SEMA6D: variants seen among roughly 807,000 people sequenced by gnomAD.
The protein encoded by SEMA6D is semaphorin 6D.
A neutral mutation model predicts 106.6 loss-of-function variants in SEMA6D; 35 were observed. The ratio of observed to expected loss-of-function variants is 0.33; its 90% CI spans 0.25 to 0.44. The LOEUF (loss-of-function observed/expected upper bound fraction) is 0.44, where lower values mean the gene tolerates loss of function less well. SEMA6D is among the 20% of genes least tolerant of loss of function. The probability of loss-of-function intolerance (pLI) is 1.00; values close to 1 mark genes in which losing one functional copy is unlikely to be tolerated. For missense variants in SEMA6D, 1,185 were observed against 1,345.9 expected, an observed-to-expected ratio of 0.88 and a Z score of 1.87; for synonymous variants, 499 against 487.7, an observed-to-expected ratio of 1.02 and a Z score of -0.31.
chr15:47,665,258 A>T (rs2078003297), intron 4 of SEMA6D, among the ~76,000 whole-genome samples: 1 of 152,168 alleles, frequency 6.6e-6, no homozygotes, highest in Admixed American at 6.5e-5. Context: ...TTTTCTTTGC[A>T]GCTTTAGATC....
intron 1 of SEMA6D, among the ~76,000 whole-genome samples, chr15:47,720,215 C>T (rs1221893955): frequency 6.9e-6 from 1 of 145,914 alleles, no homozygotes; most frequent in Admixed American, 6.8e-5. Flanking sequence ...ACAGAATATT[C>T]CTACCTGGCC....
intron 4 of SEMA6D, among the ~76,000 whole-genome samples, chr15:47,621,741 A>T (rs373158063): frequency 6.6e-6 from 1 of 152,116 alleles, no homozygotes; most frequent in Non-Finnish European, 1.5e-5. Flanking sequence ...GGCTCTAAGG[A>T]CTTCACTTAA....
chr15:47,314,900 C>G (rs2036597046), intron 1 of SEMA6D, among the ~76,000 whole-genome samples: 1 of 129,102 alleles, frequency 7.7e-6, no homozygotes, highest in Non-Finnish European at 1.6e-5. Flanking sequence ...GAGTCTCGCT[C>G]TGTGGCCCAG....
At chr15:47,489,241 A>G (rs868201567) in intron 3 of SEMA6D, among the ~76,000 whole-genome samples, 8 of 152,150 alleles carry the variant, frequency 5.3e-5, no homozygotes, top group African/African-American at 1.9e-4. Context: ...GACAAGGACA[A>G]ATCCTCTCTG....
At chr15:47,711,811 A>T (rs2079029288) in intron 4 of SEMA6D, among the ~76,000 whole-genome samples, 1 of 152,226 alleles carries the variant, frequency 6.6e-6, no homozygotes, top group Admixed American at 6.5e-5. Context: ...CTTATTTGGA[A>T]AGATGGAAAT....
At chr15:47,493,461 A>G (rs1282698252) in intron 3 of SEMA6D, among the ~76,000 whole-genome samples, 1 of 152,170 alleles carries the variant, frequency 6.6e-6, no homozygotes, top group Non-Finnish European at 1.5e-5. Flanking sequence ...GGCACTTTAC[A>G]ATATATCTGA....
chr15:47,580,785 A>G (rs1596358441), intron 3 of SEMA6D, among the ~76,000 whole-genome samples: 1 of 152,336 alleles, frequency 6.6e-6, no homozygotes, highest in African/African-American at 2.4e-5. Context: ...CAGATCCCCT[A>G]TAATGCTCAC....
chr15:47,254,271 A>C (rs1449085900), intron 1 of SEMA6D, among the ~76,000 whole-genome samples: 2 of 149,084 alleles, frequency 1.3e-5, no homozygotes, highest in Non-Finnish European at 3.0e-5. Flanking sequence ...ATATATACAC[A>C]CACATATATG....
At chr15:47,766,894 A>G (rs1487932350) in intron 16 of SEMA6D, 143 bp from the exon 17 acceptor site, 27 of 603,252 alleles carry the variant, frequency 4.5e-5, no homozygotes, top group East Asian at 2.4e-4. Context: ...TAGGAAATCT[A>G]GAGAGAGGTA....
intron 1 of SEMA6D, among the ~76,000 whole-genome samples, chr15:47,227,482 T>C (rs2031796251): frequency 2.9e-5 from 4 of 139,592 alleles, no homozygotes; most frequent in Non-Finnish European, 4.5e-5. Context: ...TTCTCTTTCT[T>C]TTTCTTTCTT....
chr15:47,315,911 T>G (rs1176669510), intron 1 of SEMA6D, among the ~76,000 whole-genome samples: 3 of 152,090 alleles, frequency 2.0e-5, no homozygotes, highest in Non-Finnish European at 2.9e-5. Flanking sequence ...TATAGGAGAA[T>G]AATCGACTTT....
chr15:47,607,343 C>T (rs1008165885), intron 4 of SEMA6D, among the ~76,000 whole-genome samples: 2 of 152,160 alleles, frequency 1.3e-5, no homozygotes, highest in African/African-American at 4.8e-5. Context: ...AAATTTCCTA[C>T]TTTCTCAATT....
In SEMA6D at chr15:47,250,694, G is replaced by C. The variant is rs149221091; in HGVS notation, c.-239+66276G>C. ...GAAAGGAGTAAACAGTTTCTGCTGT[G>C]ACTGAAAGATGTGCCGTAGAAAGTG... On this transcript the variant is annotated intron_variant, in intron 1 of 19. Coordinates refer to the SEMA6D transcript ENST00000558014. 7.0e-3 allele frequency among the ~76,000 whole-genome samples: 1,066 copies of C among 152,342 alleles called. 21 individuals are homozygous for C. The highest frequency in any genetic ancestry group is 0.025 in the African/African-American group (1,026 of 41,578).
chr15:47,589,799 G>A (rs2076405885), intron 3 of SEMA6D, among the ~76,000 whole-genome samples: 1 of 152,200 alleles, frequency 6.6e-6, no homozygotes, highest in Non-Finnish European at 1.5e-5. Flanking sequence ...AGAGTGTGTT[G>A]GCAGAAGCCA....
At chr15:47,288,628 G>C (rs2035469102) in intron 1 of SEMA6D, among the ~76,000 whole-genome samples, 1 of 152,120 alleles carries the variant, frequency 6.6e-6, no homozygotes, top group East Asian at 1.9e-4. Flanking sequence ...GAGTGAGTTA[G>C]TGAATGAATG....
chr15:47,556,860 G>A lies in SEMA6D; in HGVS notation c.-86-44005G>A, dbSNP rs118130466. On this transcript the variant is annotated intron_variant, in intron 3 of 19. Coordinates refer to the SEMA6D transcript ENST00000558014. The stretch of plus-strand genomic sequence containing the variant: ...GTGTGCCTAAGTCAAAATCAAGTTT[G>A]AAAGTATTAAAGCAAGATGTCAGTG... Among the ~76,000 whole-genome samples, 780 of 152,184 alleles carry A rather than the reference G, an allele frequency of 5.1e-3. 8 individuals are homozygous for A. The highest frequency in any genetic ancestry group is 8.7e-3 in the Non-Finnish European group (594 of 68,002).
chr15:47,736,581 G>A (rs1301820388), intron 1 of SEMA6D, among the ~76,000 whole-genome samples: 1 of 152,098 alleles, frequency 6.6e-6, no homozygotes, highest in African/African-American at 2.4e-5. Flanking sequence ...GGTGATGTAG[G>A]GTGATTACTC....
chr15:47,256,409 C>T (rs992768234), intron 1 of SEMA6D, among the ~76,000 whole-genome samples: 5 of 152,084 alleles, frequency 3.3e-5, no homozygotes, highest in East Asian at 1.9e-4. Flanking sequence ...GCATACAGGT[C>T]GCATAACAGT....
chr15:47,611,612 A>G lies in SEMA6D; in HGVS notation c.-55+10716A>G, dbSNP rs1455049722. Among the ~76,000 whole-genome samples the G allele has an allele frequency of 2.0e-5, 3 of 152,344 alleles. No individual in the cohort carries two copies. In the East Asian group the frequency reaches 5.8e-4, roughly 29 times the overall value. ...GGTCCATATTTTCTGTAATGAACAT[A>G]CATTAATTTGATAAAGAAAAAATGT... On this transcript the variant is annotated intron_variant, in intron 4 of 19. Transcript: ENST00000558014.
Sources: allele counts gnomAD v4.1 joint callset (sites outside exome capture counted in the v4.1 genomes callset), GRCh38; gene constraint gnomAD v4.1.1; transcripts MANE v1.5; gene names NCBI Gene and HGNC (gene_info 2026-07-23, HGNC 2026-07-21).